The following CDH12 variants were observed in gnomAD, a reference collection of about 807,000 sequenced individuals.
CDH12 encodes the protein cadherin 12, also known as cadherin-12.
A neutral mutation model predicts 74.1 loss-of-function variants in CDH12; 41 were observed. The observed-to-expected ratio is 0.55, with a 90% CI of 0.43 to 0.72. The LOEUF (loss-of-function observed/expected upper bound fraction) is 0.72. CDH12 is among the 30% of genes least tolerant of loss of function. CDH12 has a pLI of 0.00. For synonymous variants in CDH12, 399 were observed against 355.0 expected, an observed-to-expected ratio of 1.12 and a Z score of -1.39; for missense variants, 945 against 977.2, an observed-to-expected ratio of 0.97 and a Z score of 0.44.
intron 4 of CDH12, among the ~76,000 whole-genome samples, chr5:22,110,465 T>C (rs1744741475): frequency 6.6e-6 from 1 of 151,072 alleles, no homozygotes; most frequent in South Asian, 2.1e-4. Flanking sequence ...CAAAGGTAAT[T>C]TGGGGGAAGG....
intron 6 of CDH12, among the ~76,000 whole-genome samples, chr5:21,941,098 T>G (rs187580670): frequency 1.3e-5 from 2 of 152,252 alleles, no homozygotes; most frequent in African/African-American, 4.8e-5. Context: ...TTTTAAAATA[T>G]TCACTGCTGC....
At chr5:22,204,898 A>G (rs1259570963) in intron 4 of CDH12, among the ~76,000 whole-genome samples, 2 of 152,128 alleles carry the variant, frequency 1.3e-5, no homozygotes, top group East Asian at 3.9e-4. Flanking sequence ...GTCTGTACAT[A>G]TGTTCCATGA....
intron 3 of CDH12, among the ~76,000 whole-genome samples, chr5:22,262,983 A>C (rs1383105724): frequency 4.6e-5 from 7 of 151,712 alleles, no homozygotes; most frequent in African/African-American, 1.7e-4. Flanking sequence ...ACTCAAACAA[A>C]TTTACAAGAA....
At chr5:22,794,109 A>G (rs937351283) in intron 1 of CDH12, among the ~76,000 whole-genome samples, 1 of 152,264 alleles carries the variant, frequency 6.6e-6, no homozygotes, top group African/African-American at 2.4e-5. Flanking sequence ...ATGATCACCA[A>G]TATTCCAAAA....
intron 1 of CDH12, among the ~76,000 whole-genome samples, chr5:22,605,907 T>C (rs369303453): frequency 5.2e-4 from 79 of 152,308 alleles, no homozygotes; most frequent in African/African-American, 1.8e-3. Flanking sequence ...CCATCTCCAG[T>C]TGTGCTCTTA....
In CDH12 at chr5:22,049,292, T is replaced by A. The variant is rs7714084; in HGVS notation, c.231+29154A>T. ...AATTATTTGTAAAAATTATTTCTAT[T>A]GATTGAGTTTTACATCATTGTACCA... On this transcript the variant is annotated intron_variant, in intron 5 of 14. Coordinates refer to ENST00000382254, the MANE Select transcript of CDH12 (RefSeq NM_004061.5). Among the ~76,000 whole-genome samples the A allele has an allele frequency of 8.1e-3, 1,226 of 151,266 alleles. 18 individuals carry two copies. Among genetic ancestry groups the A allele is most frequent in the African/African-American group, 0.029 (1,178 of 40,592 alleles).
intron 1 of CDH12, among the ~76,000 whole-genome samples, chr5:22,515,538 T>G (rs931124528): frequency 6.6e-6 from 1 of 152,106 alleles, no homozygotes. Flanking sequence ...TCATGATGCT[T>G]AAGTATTTCC....
chr5:22,272,873 A>T (rs1481156840), intron 3 of CDH12, among the ~76,000 whole-genome samples: 1 of 152,166 alleles, frequency 6.6e-6, no homozygotes, highest in African/African-American at 2.4e-5. Flanking sequence ...ATTGACTCAC[A>T]ATTCTGGATG....
intron 5 of CDH12, among the ~76,000 whole-genome samples, chr5:22,053,079 T>G (rs535102184): frequency 2.0e-5 from 3 of 152,034 alleles, no homozygotes; most frequent in East Asian, 1.9e-4. Flanking sequence ...TTTGTTTTTT[T>G]TTTTTAAATC....
intron 3 of CDH12, among the ~76,000 whole-genome samples, chr5:22,239,472 C>T (rs1193179953): frequency 6.6e-6 from 1 of 151,928 alleles, no homozygotes; most frequent in Non-Finnish European, 1.5e-5. Context: ...TATCTTCACA[C>T]GTCTGCTACA....
intron 1 of CDH12, among the ~76,000 whole-genome samples, chr5:22,739,799 A>ATGGAGT (rs1744929682): frequency 6.6e-6 from 1 of 152,062 alleles, no homozygotes; most frequent in Non-Finnish European, 1.5e-5. Context: ...ATTAGTGTGA[A>ATGGAGT]CTAGTACAAT....
At chr5:22,342,171 C>A (rs1351876013) in intron 3 of CDH12, among the ~76,000 whole-genome samples, 1 of 152,102 alleles carries the variant, frequency 6.6e-6, no homozygotes, top group East Asian at 1.9e-4. Flanking sequence ...CTAATATAAC[C>A]TTCAATATCT....
At chr5:22,677,756 G>A (rs969331548) in intron 1 of CDH12, among the ~76,000 whole-genome samples, 2 of 152,080 alleles carry the variant, frequency 1.3e-5, no homozygotes, top group African/African-American at 4.8e-5. Flanking sequence ...TAAACTGCCT[G>A]CACATTATTG....
intron 4 of CDH12, among the ~76,000 whole-genome samples, chr5:22,079,899 G>GAAAA (rs35956037): frequency 6.9e-6 from 1 of 145,790 alleles, no homozygotes; most frequent in African/African-American, 2.5e-5. Context: ...TATGCAAATG[G>GAAAA]AAAAAAAAAA....
intron 1 of CDH12, among the ~76,000 whole-genome samples, chr5:22,626,359 G>C (rs1369403081): frequency 6.6e-6 from 1 of 152,140 alleles, no homozygotes; most frequent in African/African-American, 2.4e-5. Flanking sequence ...GTTGGGGCTA[G>C]TGGACTGGAA....
rs1351597395 is a variant in CDH12, at chr5:22,244,442, C to T, written c.-332-31799G>A. 5.6e-5 allele frequency among the ~76,000 whole-genome samples: 7 copies of T among 125,778 alleles called. No homozygotes were observed. In the Admixed American group the frequency reaches 7.0e-4, roughly 13 times the overall value. The allele number at this position is 125,778 out of a possible 152,430, so 82.5% of individuals were successfully genotyped here. ...CCCAGGAGGCGGAGGTTGCAGTGAG[C>T]CAGGATTGCACCACTTCACTCCAGG... On this transcript the variant is annotated intron_variant, in intron 3 of 14. Coordinates refer to ENST00000382254, the MANE Select transcript of CDH12 (RefSeq NM_004061.5).
chr5:22,096,422 C>T (rs941372677), intron 4 of CDH12, among the ~76,000 whole-genome samples: 3 of 152,100 alleles, frequency 2.0e-5, no homozygotes, highest in Non-Finnish European at 4.4e-5. Context: ...TCCCCTCAGT[C>T]CCAACCCCAA....
At chr5:21,995,201 G>C (rs543682292) in intron 5 of CDH12, among the ~76,000 whole-genome samples, 1 of 151,806 alleles carries the variant, frequency 6.6e-6, no homozygotes, top group South Asian at 2.1e-4. Context: ...AAGTCAGCGA[G>C]ACCAAGAACC....
chr5:21,990,339 A>G (rs963044066), intron 5 of CDH12, among the ~76,000 whole-genome samples: 6 of 152,168 alleles, frequency 3.9e-5, no homozygotes, highest in Non-Finnish European at 5.9e-5. Context: ...AAAAAGAGTT[A>G]AAATCCATGA....
Sources: allele counts gnomAD v4.1 joint callset (sites outside exome capture counted in the v4.1 genomes callset), GRCh38; gene constraint gnomAD v4.1.1; transcripts MANE v1.5; gene names NCBI Gene and HGNC (gene_info 2026-07-23, HGNC 2026-07-21).